Variants in ARHGAP10 observed in about 807,000 individuals in gnomAD.
ARHGAP10 encodes Rho GTPase activating protein 10, also known as rho GTPase-activating protein 10.
ARHGAP10 carries 87 observed loss-of-function variants against 108.6 expected under a neutral mutation model. The observed-to-expected ratio is 0.80, with a 90% CI of 0.67 to 0.96. The LOEUF (loss-of-function observed/expected upper bound fraction) is 0.96, where lower values mean the gene tolerates loss of function less well. Ranked by LOEUF, ARHGAP10 falls within the 40% of genes least tolerant of loss-of-function variation. The pLI is 0.00. For missense variants in ARHGAP10, 939 were observed against 954.5 expected (o/e 0.98, Z 0.21); for synonymous variants, 347 against 341.1 (o/e 1.02, Z -0.19).
intron 10 of ARHGAP10, among the ~76,000 whole-genome samples, chr4:147,885,313 G>A (rs1735501280): frequency 6.6e-6 from 1 of 152,204 alleles, no homozygotes; most frequent in South Asian, 2.1e-4. Flanking sequence ...ATGGCAGAAG[G>A]TGAAAGAGGA....
chr4:147,939,222 C>T (rs1029235567), intron 13 of ARHGAP10, among the ~76,000 whole-genome samples: 2 of 152,098 alleles, frequency 1.3e-5, no homozygotes, highest in African/African-American at 4.8e-5. Context: ...CTCTTGTTTT[C>T]AGGGACAATT....
intron 4 of ARHGAP10, among the ~76,000 whole-genome samples, chr4:147,856,819 G>A (rs771962402): frequency 1.1e-4 from 17 of 152,094 alleles, no homozygotes; most frequent in Non-Finnish European, 1.6e-4. Flanking sequence ...TTCCAACACT[G>A]ATTATGTATT....
chr4:148,065,398 A>G (rs1182330842), intron 22 of ARHGAP10: 1 of 152,224 alleles, frequency 6.6e-6, no homozygotes, highest in Non-Finnish European at 1.5e-5. Context: ...CCTCATTTAG[A>G]ATAGATTTCT....
intron 18 of ARHGAP10, among the ~76,000 whole-genome samples, chr4:148,009,990 T>C (rs1427802056): frequency 6.6e-6 from 1 of 152,216 alleles, no homozygotes; most frequent in Non-Finnish European, 1.5e-5. Context: ...TTCCCAAACA[T>C]TTTTAATTTT....
chr4:147,865,167 C>T lies in ARHGAP10; in HGVS notation c.597+211C>T, dbSNP rs1409147543. The stretch of plus-strand genomic sequence containing the variant: ...CAGCTGTATTTGCACTGATAATACA[C>T]GTAATATTCCCATTGCTACATGATC... On this transcript the variant is annotated intron_variant, in intron 6 of 22. Coordinates refer to ENST00000336498, the MANE Select transcript of ARHGAP10 (RefSeq NM_024605.4). The T allele has an allele frequency of 7.1e-5, 32 of 447,614 alleles. No individual in the cohort carries two copies. In the East Asian group the frequency reaches 7.6e-4, roughly 11 times the overall value. The allele number at this position is 447,614 out of a possible 1,614,324, so 27.7% of individuals were successfully genotyped here.
At chr4:148,061,611 ATGT>A (rs1030190466) in intron 20 of ARHGAP10, among the ~76,000 whole-genome samples, 3 of 105,366 alleles carry the variant, frequency 2.8e-5, no homozygotes, top group African/African-American at 8.5e-5. Context: ...TAGAAGAATA[ATGT>A]TTTTTTTTTT....
At chr4:147,871,938 A>G (rs1262691620) in intron 7 of ARHGAP10, among the ~76,000 whole-genome samples, 1 of 152,036 alleles carries the variant, frequency 6.6e-6, no homozygotes, top group Non-Finnish European at 1.5e-5. Context: ...CTGTCTCCAC[A>G]AAAAATAGAG....
chr4:147,954,765 G>C lies in ARHGAP10; in HGVS notation c.1392-551G>C, dbSNP rs145885728. Among the ~76,000 whole-genome samples, 402 of 151,990 alleles carry C rather than the reference G, an allele frequency of 2.6e-3. 2 individuals carry two copies. The highest frequency in any genetic ancestry group is 9.3e-3 in the African/African-American group (388 of 41,520). On this transcript the variant is annotated intron_variant, in intron 15 of 22. Coordinates refer to ENST00000336498, the MANE Select transcript of ARHGAP10 (RefSeq NM_024605.4). Reference sequence around the variant, plus strand: ...TAAACTACCTTATGTAACTTGTTTTGTAGACTCTGAAAATGCTGTGTATAT... The same window carrying C: ...TAAACTACCTTATGTAACTTGTTTTCTAGACTCTGAAAATGCTGTGTATAT...
intron 18 of ARHGAP10, among the ~76,000 whole-genome samples, chr4:147,994,525 T>C (rs1324876534): frequency 6.6e-6 from 1 of 152,242 alleles, no homozygotes; most frequent in East Asian, 1.9e-4. Context: ...TTTATAATCC[T>C]TTGTGAATGA....
chr4:147,894,130 A>G (rs928628920), intron 10 of ARHGAP10, among the ~76,000 whole-genome samples: 3 of 24,688 alleles, frequency 1.2e-4, no homozygotes, highest in African/African-American at 2.0e-4. Context: ...TTAATCTTGC[A>G]TAAATACTTT....
chr4:147,854,859 T>C, intron 4 of ARHGAP10: 1 of 985,410 alleles, frequency 1.0e-6, no homozygotes, highest in Non-Finnish European at 1.2e-6. Context: ...GTGATGTTGT[T>C]ATTGTTGTTT....
chr4:147,769,627 C>A (rs1387433829), intron 1 of ARHGAP10, among the ~76,000 whole-genome samples: 1 of 152,188 alleles, frequency 6.6e-6, no homozygotes, highest in Non-Finnish European at 1.5e-5. Flanking sequence ...CCTCTTGAAT[C>A]ATCAGAGATG....
intron 14 of ARHGAP10, among the ~76,000 whole-genome samples, chr4:147,940,796 T>C (rs1384040451): frequency 2.6e-5 from 4 of 152,248 alleles, no homozygotes; most frequent in African/African-American, 9.6e-5. Flanking sequence ...TCAACTGCCA[T>C]GCTACAGATA....
intron 18 of ARHGAP10, among the ~76,000 whole-genome samples, chr4:147,979,894 C>G (rs1739746296): frequency 6.6e-6 from 1 of 152,084 alleles, no homozygotes; most frequent in African/African-American, 2.4e-5. Flanking sequence ...ATCCTGTATC[C>G]TGAAACTCTG....
At chr4:147,825,568 C>T (rs1375183933) in intron 3 of ARHGAP10, among the ~76,000 whole-genome samples, 3 of 152,106 alleles carry the variant, frequency 2.0e-5, no homozygotes, top group Admixed American at 6.5e-5. Flanking sequence ...TGTGTGAAGA[C>T]AGTGTGGTCC....
At position 147,822,781 on chromosome 4, in the gene ARHGAP10, A is replaced by G; in HGVS notation, c.209A>G (p.Glu70Gly). The change falls in exon 2 of 23, where the codon GAG (glutamate) becomes GGG (glycine). Residue 70 changes from glutamate to glycine, a missense_variant. Glu to Gly is a moderately conservative substitution (Grantham distance 98, BLOSUM62 -2). Transcript: ENST00000336498. ...CATTCACTCAGAGACTTTAAGTTTG[A>G]GTTTATCGGTGATGCTGTGACAGAT... is the stretch of plus-strand genomic sequence containing the variant. ...FAHSLRDFKF[E>G]FIGDAVTDDE... 6.2e-7 allele frequency: 1 copy of G among 1,614,202 alleles called. No homozygotes were observed. Among genetic ancestry groups the G allele is most frequent in the Non-Finnish European group, 8.5e-7 (1 of 1,180,050 alleles).
chr4:147,749,290 A>G (rs923236358), intron 1 of ARHGAP10, among the ~76,000 whole-genome samples: 1 of 152,188 alleles, frequency 6.6e-6, no homozygotes, highest in Non-Finnish European at 1.5e-5. Flanking sequence ...CAGAGGAAAA[A>G]ATTTAGATTA....
At chr4:148,043,212 G>T (rs1403331915) in intron 19 of ARHGAP10, among the ~76,000 whole-genome samples, 1 of 152,172 alleles carries the variant, frequency 6.6e-6, no homozygotes, top group Non-Finnish European at 1.5e-5. Flanking sequence ...TAAATCTGAG[G>T]ATGCTGCAAG....
At chr4:147,766,586 A>G (rs926552475) in intron 1 of ARHGAP10, among the ~76,000 whole-genome samples, 1 of 145,646 alleles carries the variant, frequency 6.9e-6, no homozygotes, top group South Asian at 2.4e-4. Context: ...ATATATACAC[A>G]TACATATATG....
Sources: allele counts gnomAD v4.1 joint callset (sites outside exome capture counted in the v4.1 genomes callset), GRCh38; gene constraint gnomAD v4.1.1; transcripts MANE v1.5; gene names NCBI Gene and HGNC (gene_info 2026-07-23, HGNC 2026-07-21).